Variants in CNTNAP2 observed in about 807,000 individuals in gnomAD.
CNTNAP2 encodes contactin associated protein 2.
In CNTNAP2, 98 loss-of-function variants were observed where a neutral mutation model predicts 155.2. That is an observed-to-expected ratio of 0.63 (90% confidence interval 0.54 to 0.75). The LOEUF (loss-of-function observed/expected upper bound fraction) is 0.75, where lower values mean the gene tolerates loss of function less well. Ranked by LOEUF, CNTNAP2 falls within the 30% of genes least tolerant of loss-of-function variation. CNTNAP2 has a pLI of 0.00. For synonymous variants in CNTNAP2, 651 were observed against 631.2 expected (o/e 1.03, Z -0.47); for missense variants, 1,727 against 1,688.1 (o/e 1.02, Z -0.40).
At chr7:146,911,515 A>G (rs982190653) in intron 3 of CNTNAP2, among the ~76,000 whole-genome samples, 4 of 151,980 alleles carry the variant, frequency 2.6e-5, no homozygotes, top group Admixed American at 6.6e-5. Context: ...AGGGACATGG[A>G]TGAAATTGGA....
chr7:147,042,953 C>T (rs1408363645), intron 3 of CNTNAP2, among the ~76,000 whole-genome samples: 1 of 152,066 alleles, frequency 6.6e-6, no homozygotes, highest in African/African-American at 2.4e-5. Context: ...ATTATAGGGA[C>T]ATTTAGAATG....
At chr7:146,716,803 C>T (rs1223389517) in intron 1 of CNTNAP2, among the ~76,000 whole-genome samples, 1 of 152,142 alleles carries the variant, frequency 6.6e-6, no homozygotes, top group East Asian at 1.9e-4. Context: ...AAGAAATGTT[C>T]ATTAGTGAGG....
chr7:147,934,366 C>T (rs1197600119), intron 14 of CNTNAP2, among the ~76,000 whole-genome samples: 4 of 152,138 alleles, frequency 2.6e-5, no homozygotes, highest in African/African-American at 7.2e-5. Context: ...ACTTGGATGG[C>T]AGCAGGCAAA....
chr7:147,283,482 A>G (rs1034112201), intron 8 of CNTNAP2, among the ~76,000 whole-genome samples: 1 of 151,936 alleles, frequency 6.6e-6, no homozygotes, highest in Non-Finnish European at 1.5e-5. Flanking sequence ...GTAGCTACCA[A>G]AAACAATATA....
chr7:148,026,477 T>C (rs1348367141), intron 15 of CNTNAP2, among the ~76,000 whole-genome samples: 3 of 152,078 alleles, frequency 2.0e-5, no homozygotes, highest in African/African-American at 2.4e-5. Flanking sequence ...TTTATACTTC[T>C]CACTATAGAA....
At position 146,875,956 on chromosome 7, in the gene CNTNAP2, A is replaced by C. The variant is rs866354778; in HGVS notation, c.402+36052A>C. ...CAGCAAAAAAAAAAAAAAAAAAAAA[A>C]AAAAACAAAAAACAAAAAAACGAGA... is the stretch of plus-strand genomic sequence containing the variant. On this transcript the variant is annotated intron_variant, in intron 3 of 23. Coordinates refer to ENST00000361727, the MANE Select transcript of CNTNAP2 (RefSeq NM_014141.6). 6.3e-3 allele frequency among the ~76,000 whole-genome samples: 911 copies of C among 143,850 alleles called. 16 individuals are homozygous for C. The highest frequency in any genetic ancestry group is 0.022 in the African/African-American group (784 of 36,186). The allele number at this position is 143,850 out of a possible 152,430, so 94.4% of individuals were successfully genotyped here.
intron 1 of CNTNAP2, among the ~76,000 whole-genome samples, chr7:146,703,739 G>A (rs923006013): frequency 2.4e-4 from 37 of 151,978 alleles, no homozygotes; most frequent in African/African-American, 7.0e-4. Flanking sequence ...TGAAGGTTCC[G>A]TTCTCATGAC....
intron 18 of CNTNAP2, among the ~76,000 whole-genome samples, chr7:148,188,241 A>G (rs752931294): frequency 7.2e-5 from 11 of 152,150 alleles, no homozygotes; most frequent in Non-Finnish European, 1.5e-4. Context: ...ATTCTATTCT[A>G]TTACAGCATC....
At chr7:147,361,348 G>A (rs1241255839) in intron 9 of CNTNAP2, among the ~76,000 whole-genome samples, 5 of 152,014 alleles carry the variant, frequency 3.3e-5, no homozygotes, top group Non-Finnish European at 7.4e-5. Flanking sequence ...ATAATGTTAG[G>A]TTATTCAGTT....
chr7:146,140,906 G>A (rs538097756), intron 1 of CNTNAP2, among the ~76,000 whole-genome samples: 2 of 152,210 alleles, frequency 1.3e-5, no homozygotes, highest in Admixed American at 1.3e-4. Flanking sequence ...GGAACCACTA[G>A]AACATCTTGC....
intron 1 of CNTNAP2, among the ~76,000 whole-genome samples, chr7:146,317,216 A>G (rs758467957): frequency 6.6e-6 from 1 of 152,218 alleles, no homozygotes; most frequent in Non-Finnish European, 1.5e-5. Flanking sequence ...TTGACTTTAT[A>G]AGAATCATTA....
At chr7:147,879,365 A>C (rs1563121599) in intron 13 of CNTNAP2, among the ~76,000 whole-genome samples, 1 of 152,240 alleles carries the variant, frequency 6.6e-6, no homozygotes, top group Non-Finnish European at 1.5e-5. Context: ...GAAGTTGTCA[A>C]GCAAGTATTT....
intron 13 of CNTNAP2, among the ~76,000 whole-genome samples, chr7:147,848,156 C>G (rs1432606883): frequency 7.2e-6 from 1 of 138,896 alleles, no homozygotes; most frequent in Non-Finnish European, 1.6e-5. Flanking sequence ...CTTTGTTTAC[C>G]TAAGCAAGCC....
At chr7:147,598,447 C>T (rs190510755) in intron 12 of CNTNAP2, among the ~76,000 whole-genome samples, 222 of 152,208 alleles carry the variant, frequency 1.5e-3, no homozygotes, top group African/African-American at 4.9e-3. Context: ...GTTTTCTGTT[C>T]CTGTGTTAGT....
intron 12 of CNTNAP2, among the ~76,000 whole-genome samples, chr7:147,621,105 C>CT (rs1274449700): frequency 1.3e-5 from 2 of 152,018 alleles, no homozygotes; most frequent in African/African-American, 4.8e-5. Context: ...AAGAAAAAAA[C>CT]TTTTACCCTA....
intron 15 of CNTNAP2, among the ~76,000 whole-genome samples, chr7:148,076,822 G>A (rs1226114553): frequency 6.6e-6 from 1 of 151,976 alleles, no homozygotes; most frequent in African/African-American, 2.4e-5. Flanking sequence ...AAAAGCCTCT[G>A]CCTCCTACCA....
chr7:148,191,609 T>A (rs1331674478), intron 18 of CNTNAP2, among the ~76,000 whole-genome samples: 1 of 152,168 alleles, frequency 6.6e-6, no homozygotes, highest in Admixed American at 6.5e-5. Context: ...GAGGGCCCTC[T>A]TCTGGATTGC....
At chr7:146,158,353 C>T (rs568293431) in intron 1 of CNTNAP2, among the ~76,000 whole-genome samples, 6 of 152,150 alleles carry the variant, frequency 3.9e-5, no homozygotes, top group Non-Finnish European at 8.8e-5. Flanking sequence ...GAACGCAGCT[C>T]CTTGCCAGCA....
intron 1 of CNTNAP2, among the ~76,000 whole-genome samples, chr7:146,240,554 G>A (rs185733972): frequency 1.3e-5 from 2 of 151,174 alleles, no homozygotes; most frequent in East Asian, 3.9e-4. Context: ...TAATAATAAT[G>A]CCTCACACTT....
Sources: gnomAD v4.1 joint callset for allele counts (sites outside exome capture counted in the v4.1 genomes callset) on GRCh38, gnomAD v4.1.1 for gene constraint, MANE v1.5 for transcripts, NCBI Gene and HGNC (gene_info 2026-07-23, HGNC 2026-07-21) for gene names.